Variants in GPR149 observed in about 807,000 individuals in gnomAD.
GPR149 encodes probable G protein-coupled receptor 149.
Under a neutral mutation model 50.2 loss-of-function variants are expected in GPR149, and 50 were observed. The ratio of observed to expected loss-of-function variants is 1.00; its 90% CI spans 0.79 to 1.26. The LOEUF (loss-of-function observed/expected upper bound fraction) is 1.26. Among genes scored for constraint, GPR149 ranks in the 50% most tolerant of loss-of-function variants. The probability of loss-of-function intolerance (pLI) is 0.00; values close to 1 mark genes in which losing one functional copy is unlikely to be tolerated. For missense variants in GPR149, 983 were observed against 895.4 expected (o/e 1.10, Z -1.25); for synonymous variants, 405 against 358.2 (o/e 1.13, Z -1.48).
intron 3 of GPR149, among the ~76,000 whole-genome samples, chr3:154,357,714 T>C (rs1273328845): frequency 6.6e-6 from 1 of 152,216 alleles, no homozygotes; most frequent in Non-Finnish European, 1.5e-5. Flanking sequence ...AGTTCGACCA[T>C]TGTGGAAGTC....
chr3:154,355,994 A>C (rs1250868369), intron 3 of GPR149, among the ~76,000 whole-genome samples: 2 of 152,210 alleles, frequency 1.3e-5, no homozygotes, highest in Admixed American at 1.3e-4. Context: ...AAAGAGCATC[A>C]AACTAAAAAG....
At chr3:154,358,020 C>G (rs1714281144) in intron 3 of GPR149, among the ~76,000 whole-genome samples, 1 of 152,052 alleles carries the variant, frequency 6.6e-6, no homozygotes, top group Admixed American at 6.6e-5. Flanking sequence ...AACCATCATT[C>G]TCAGCAAACT....
At chr3:154,375,150 T>A (rs933428718) in intron 3 of GPR149, among the ~76,000 whole-genome samples, 68 of 152,310 alleles carry the variant, frequency 4.5e-4, no homozygotes, top group South Asian at 6.2e-4. Context: ...CTTTTCCTAC[T>A]AGAGGCACAC....
intron 3 of GPR149, among the ~76,000 whole-genome samples, chr3:154,355,947 G>C (rs1182796778): frequency 6.6e-6 from 1 of 152,166 alleles, no homozygotes; most frequent in Non-Finnish European, 1.5e-5. Flanking sequence ...AAGTATGGAA[G>C]ACAAGAATAC....
chr3:154,364,452 A>T (rs1014479253), intron 3 of GPR149, among the ~76,000 whole-genome samples: 5 of 152,182 alleles, frequency 3.3e-5, no homozygotes, highest in African/African-American at 1.2e-4. Context: ...TCTAAATATC[A>T]TCTAAATCAG....
chr3:154,415,770 AT>A (rs1711968349), intron 3 of GPR149, among the ~76,000 whole-genome samples: 1 of 151,932 alleles, frequency 6.6e-6, no homozygotes, highest in East Asian at 1.9e-4. Context: ...TACAATAATT[AT>A]AAGTTAGTTT....
At chr3:154,349,510 C>T (rs949208438) in intron 3 of GPR149, among the ~76,000 whole-genome samples, 1 of 152,118 alleles carries the variant, frequency 6.6e-6, no homozygotes, top group Non-Finnish European at 1.5e-5. Context: ...AGATTGATCC[C>T]TTGTAAAACA....
Position 154,429,280 on chromosome 3 carries a change from A to T in GPR149, c.336T>A (p.Tyr112Ter). 1 of 1,614,200 alleles carries T rather than the reference A, an allele frequency of 6.2e-7. No homozygotes were observed. Residue 112 changes from tyrosine (Y) to a stop codon, truncating the protein, a stop_gained, in exon 1 of 4, where the codon TAT becomes TAA. Transcript: ENST00000389740. LOFTEE classifies it high-confidence loss of function. ...QFLCTTSALMYLCQGLSSNLK... is the reference protein window; with the variant it reads ...QFLCTTSALM ...AGTTGCTAGAGAGGCCCTGGCATAA[A>T]TACATTAAGGCAGAGGTGGTGCACA...
intron 3 of GPR149, among the ~76,000 whole-genome samples, chr3:154,364,195 T>A (rs933016844): frequency 6.6e-6 from 1 of 152,138 alleles, no homozygotes; most frequent in Non-Finnish European, 1.5e-5. Context: ...ACAATCCCAT[T>A]CATGAGGGCA....
At chr3:154,414,513 G>T (rs927025746) in intron 3 of GPR149, among the ~76,000 whole-genome samples, 1 of 151,856 alleles carries the variant, frequency 6.6e-6, no homozygotes, top group Non-Finnish European at 1.5e-5. Context: ...GTGATATGAA[G>T]CATAATATCT....
chr3:154,428,607 C>A, intron 1 of GPR149, 28 bp downstream of exon 1: 1 of 1,595,774 alleles, frequency 6.3e-7, no homozygotes, highest in Non-Finnish European at 8.5e-7. Context: ...CACACACACT[C>A]GCGCTTTGTG....
chr3:154,415,386 G>A (rs1365911409), intron 3 of GPR149, among the ~76,000 whole-genome samples: 1 of 151,886 alleles, frequency 6.6e-6, no homozygotes, highest in Admixed American at 6.6e-5. Context: ...AATGTACTAT[G>A]AAATATCTGA....
In GPR149 at chr3:154,429,364, C is replaced by A. The variant is rs372519523; in HGVS notation, c.252G>T (p.Ser84=). The A allele has an allele frequency of 1.9e-6, 3 of 1,614,112 alleles. No homozygotes were observed. The highest frequency in any genetic ancestry group is 2.2e-5 in the South Asian group (2 of 91,072). The change falls in exon 1 of 4, where the codon TCG becomes TCT. Residue 84 remains serine, a synonymous_variant. Coordinates refer to ENST00000389740, the MANE Select transcript of GPR149 (RefSeq NM_001038705.3). ...WSVDDLMSVL[S]VTIFMFLQWP... ...ACTGCAAAAACATGAAGATGGTCAC[C>A]GACAGGACGCTCATGAGATCATCCA... is the stretch of plus-strand genomic sequence containing the variant.
intron 3 of GPR149, among the ~76,000 whole-genome samples, chr3:154,357,580 C>T (rs1177968544): frequency 6.6e-6 from 1 of 152,144 alleles, no homozygotes; most frequent in African/African-American, 2.4e-5. Context: ...AAAATCAAAA[C>T]CACAATGAGA....
In GPR149 at chr3:154,375,961, G is replaced by A. The variant is rs201209135; in HGVS notation, c.1624-37690C>T. 2.0e-5 allele frequency among the ~76,000 whole-genome samples: 3 copies of A among 152,180 alleles called. No individual in the cohort carries two copies. In the East Asian group the frequency reaches 5.8e-4, roughly 29 times the overall value. ...CTTTCAGGGCCTTTGGCCTTAGACT[G>A]GAACTCACACCATCAGCTCCCCTGG... On this transcript the variant is annotated intron_variant, in intron 3 of 3. Transcript: ENST00000389740.
At chr3:154,359,374 T>C (rs1042256687) in intron 3 of GPR149, among the ~76,000 whole-genome samples, 6 of 152,148 alleles carry the variant, frequency 3.9e-5, no homozygotes, top group South Asian at 4.1e-4. Context: ...GAAAAAGCAA[T>C]GGCCATAACC....
intron 3 of GPR149, among the ~76,000 whole-genome samples, chr3:154,351,328 A>T (rs1303790283): frequency 7.1e-6 from 1 of 141,722 alleles, no homozygotes; most frequent in South Asian, 2.1e-4. Flanking sequence ...AAAAAAAAAA[A>T]AAAAAAAAAA....
chr3:154,340,892 C>A (rs1196647662), intron 3 of GPR149, among the ~76,000 whole-genome samples: 1 of 151,962 alleles, frequency 6.6e-6, no homozygotes, highest in Non-Finnish European at 1.5e-5. Context: ...TGGCTAGTTT[C>A]TGTATTTTTA....
At chr3:154,397,142 G>C (rs1715311704) in intron 3 of GPR149, among the ~76,000 whole-genome samples, 1 of 152,118 alleles carries the variant, frequency 6.6e-6, no homozygotes, top group African/African-American at 2.4e-5. Context: ...ATTGGGGAAA[G>C]TTGAGAGTCA....
Sources: gnomAD v4.1 joint callset for allele counts (sites outside exome capture counted in the v4.1 genomes callset) on GRCh38, gnomAD v4.1.1 for gene constraint, MANE v1.5 for transcripts, NCBI Gene and HGNC (gene_info 2026-07-23, HGNC 2026-07-21) for gene names.